DLG2: variants seen among roughly 807,000 people sequenced by gnomAD.
The protein encoded by DLG2 is disks large homolog 2.
DLG2 carries 45 observed loss-of-function variants against 132.5 expected under a neutral mutation model. The ratio of observed to expected loss-of-function variants is 0.34; its 90% CI spans 0.27 to 0.44. The LOEUF (loss-of-function observed/expected upper bound fraction) is 0.44, where lower values mean the gene tolerates loss of function less well. Ranked by LOEUF, DLG2 falls within the 20% of genes least tolerant of loss-of-function variation. The pLI is 1.00. For missense variants in DLG2, 1,045 were observed against 1,196.9 expected (o/e 0.87, Z 1.87); for synonymous variants, 424 against 419.6 (o/e 1.01, Z -0.13).
chr11:85,056,240 TA>T (rs2063445427), intron 6 of DLG2, among the ~76,000 whole-genome samples: 1 of 152,136 alleles, frequency 6.6e-6, no homozygotes, highest in South Asian at 2.1e-4. Flanking sequence ...CTTTTCTGTA[TA>T]GATGTTATCC....
intron 7 of DLG2, among the ~76,000 whole-genome samples, chr11:84,274,053 G>T (rs905109341): frequency 3.3e-5 from 5 of 152,192 alleles, no homozygotes; most frequent in African/African-American, 1.2e-4. Context: ...CTCGGGAAAT[G>T]AGAGTAGGCT....
intron 6 of DLG2, among the ~76,000 whole-genome samples, chr11:84,561,496 G>A (rs1260881609): frequency 6.6e-6 from 1 of 152,048 alleles, no homozygotes; most frequent in Non-Finnish European, 1.5e-5. Context: ...ATATTTAGAA[G>A]TGTAATTAAT....
At chr11:84,019,799 T>C (rs2095336894) in intron 11 of DLG2, among the ~76,000 whole-genome samples, 1 of 152,164 alleles carries the variant, frequency 6.6e-6, no homozygotes, top group South Asian at 2.1e-4. Flanking sequence ...TACTGGAAGC[T>C]GGGAGAGAGT....
intron 6 of DLG2, among the ~76,000 whole-genome samples, chr11:84,717,969 T>A (rs2061410930): frequency 6.6e-6 from 1 of 152,064 alleles, no homozygotes; most frequent in Admixed American, 6.5e-5. Context: ...GCTTTGAAAC[T>A]TAAGCCTGTC....
chr11:83,699,860 T>C (rs989617961), intron 18 of DLG2, among the ~76,000 whole-genome samples: 2 of 149,756 alleles, frequency 1.3e-5, no homozygotes, highest in Admixed American at 1.3e-4. Flanking sequence ...TATGTATGTA[T>C]GCATGTATCT....
chr11:84,187,861 TA>T lies in DLG2; in HGVS notation c.574-24351del, dbSNP rs1166305099. On this transcript the variant is annotated intron_variant, in intron 8 of 27. Coordinates refer to ENST00000376104, the MANE Select transcript of DLG2 (RefSeq NM_001142699.3). ...CTGCTTTAAACATAGGACTAAAAAA[TA>T]GGAAGTGCTCAGCATAAGGGAAATT... is the stretch of plus-strand genomic sequence containing the variant. Among the ~76,000 whole-genome samples the T allele has an allele frequency of 2.6e-5, 4 of 152,140 alleles. No homozygotes were observed. The South Asian group carries it at 6.2e-4, about 24-fold the overall frequency.
At chr11:84,657,763 G>A (rs1213731374) in intron 6 of DLG2, among the ~76,000 whole-genome samples, 1 of 152,122 alleles carries the variant, frequency 6.6e-6, no homozygotes, top group Non-Finnish European at 1.5e-5. Flanking sequence ...CAGGCTACAG[G>A]CCAGTACCAT....
At chr11:84,464,584 T>C (rs547297642) in intron 7 of DLG2, among the ~76,000 whole-genome samples, 1 of 151,346 alleles carries the variant, frequency 6.6e-6, no homozygotes, top group East Asian at 2.0e-4. Context: ...TTTAGCTTTT[T>C]TATCTTTTCA....
intron 21 of DLG2, among the ~76,000 whole-genome samples, chr11:83,513,473 T>A (rs2095147173): frequency 6.6e-6 from 1 of 152,210 alleles, no homozygotes; most frequent in Non-Finnish European, 1.5e-5. Context: ...TCCCATTCTG[T>A]AGGTTGCCTG....
At chr11:83,573,916 T>C (rs903403803) in intron 19 of DLG2, among the ~76,000 whole-genome samples, 27 of 152,190 alleles carry the variant, frequency 1.8e-4, no homozygotes, top group African/African-American at 6.5e-4. Flanking sequence ...TAGATTTGGA[T>C]TGAATTCTAG....
At chr11:83,482,419 G>A (rs1371856910) in intron 22 of DLG2, among the ~76,000 whole-genome samples, 6 of 152,016 alleles carry the variant, frequency 3.9e-5, no homozygotes, top group Admixed American at 3.9e-4. Context: ...ACACAATGGG[G>A]TTAGTTATTA....
At chr11:84,631,640 T>C (rs2099632357) in intron 6 of DLG2, among the ~76,000 whole-genome samples, 1 of 152,100 alleles carries the variant, frequency 6.6e-6, no homozygotes, top group Admixed American at 6.6e-5. Context: ...CAATAGGCCA[T>C]ACTTCACTAC....
At chr11:84,744,898 T>TAAAAAAAAAAAAAAAAAAAAAAAAAAAAA (rs758776805) in intron 6 of DLG2, among the ~76,000 whole-genome samples, 1 of 71,812 alleles carries the variant, frequency 1.4e-5, no homozygotes, top group Non-Finnish European at 2.9e-5. Flanking sequence ...AGTAAAGGTC[T>TAAAAAAAAAAAAAAAAAAAAAAAAAAAAA]AAAAAAAAAA....
At chr11:83,877,728 C>G (rs531999294) in intron 15 of DLG2, among the ~76,000 whole-genome samples, 2 of 152,116 alleles carry the variant, frequency 1.3e-5, no homozygotes, top group Non-Finnish European at 2.9e-5. Flanking sequence ...TCTTCTAAGA[C>G]AAATACAGTG....
chr11:85,596,482 C>T (rs926581585), intron 3 of DLG2, among the ~76,000 whole-genome samples: 2 of 152,108 alleles, frequency 1.3e-5, no homozygotes. Context: ...ACAGCATGTT[C>T]TGCAGTAATG....
At chr11:85,112,069 C>G (rs1437996196) in intron 5 of DLG2, among the ~76,000 whole-genome samples, 1 of 152,036 alleles carries the variant, frequency 6.6e-6, no homozygotes, top group Admixed American at 6.6e-5. Context: ...CTAATCAACC[C>G]TGAAACATGC....
intron 4 of DLG2, among the ~76,000 whole-genome samples, chr11:85,279,062 C>T (rs1197280375): frequency 6.6e-6 from 1 of 152,108 alleles, no homozygotes; most frequent in African/African-American, 2.4e-5. Context: ...TGGTTTTCCT[C>T]ATCTTTATAA....
chr11:84,065,583 T>C (rs1237258806), intron 10 of DLG2, among the ~76,000 whole-genome samples: 2 of 152,148 alleles, frequency 1.3e-5, no homozygotes, highest in Non-Finnish European at 2.9e-5. Flanking sequence ...CTGGCAAGGT[T>C]GTGAAGAAAA....
chr11:85,285,322 T>G lies in DLG2; in HGVS notation c.84A>C (p.Lys28Asn), dbSNP rs895619812. Residue 28 changes from lysine to asparagine, a missense_variant, in exon 4 of 28, where the codon AAA becomes AAC. This residue lies in a region of DLG2 where 277 missense variants were observed against 238.2 expected (regional missense o/e 1.16). Transcript: ENST00000376104. ...FYEVTLLNSQ[K>N]SCEQKIEEAN... ...CTTCTTCTATCTTCTGCTCACAACTTTTTTGAGAATTTAGCAATGTCACCT... is the reference window on the plus strand; with the variant it reads ...CTTCTTCTATCTTCTGCTCACAACTGTTTTGAGAATTTAGCAATGTCACCT... 3 of 1,611,818 alleles carry G rather than the reference T, an allele frequency of 1.9e-6. No individual in the cohort carries two copies. In the African/African-American group the frequency reaches 4.0e-5, roughly 22 times the overall value.
Sources: allele counts gnomAD v4.1 joint callset (sites outside exome capture counted in the v4.1 genomes callset), GRCh38; gene constraint gnomAD v4.1.1; regional missense constraint gnomAD v4.1.1; transcripts MANE v1.5; gene names NCBI Gene and HGNC (gene_info 2026-07-23, HGNC 2026-07-21).